The following CDKN2B-AS1 variants were observed in gnomAD, a reference collection of about 807,000 sequenced individuals.
CDKN2B-AS1 encodes the protein CDKN2B antisense RNA 1 (non-protein coding).
chr9:22,126,036 C>G (rs573464286), intron 4 of CDKN2B-AS1, among the ~76,000 whole-genome samples: 1 of 152,236 alleles, frequency 6.6e-6, no homozygotes, highest in Non-Finnish European at 1.5e-5. Flanking sequence ...CAGCTTCCTG[C>G]GCAGTCAAGA....
At chr9:22,040,561 G>T (rs1822857357) in intron 1 of CDKN2B-AS1, among the ~76,000 whole-genome samples, 1 of 151,936 alleles carries the variant, frequency 6.6e-6, no homozygotes, top group South Asian at 2.1e-4. Flanking sequence ...GCTGTGCAAG[G>T]TACAGTAGAG....
intron 4 of CDKN2B-AS1, among the ~76,000 whole-genome samples, chr9:22,074,982 A>T (rs982060857): frequency 6.6e-6 from 1 of 152,240 alleles, no homozygotes; most frequent in Admixed American, 6.5e-5. Flanking sequence ...GTACATAGAC[A>T]AATGTTTTTA....
At chr9:22,104,105 A>G (rs78418858) in intron 4 of CDKN2B-AS1, among the ~76,000 whole-genome samples, 30 of 152,366 alleles carry the variant, frequency 2.0e-4, no homozygotes, top group Admixed American at 1.8e-3. Flanking sequence ...GGAAATATAC[A>G]TGAGGCAGAA....
At chr9:22,017,059 T>C (rs1821796452) in intron 1 of CDKN2B-AS1, among the ~76,000 whole-genome samples, 2 of 152,242 alleles carry the variant, frequency 1.3e-5, no homozygotes, top group South Asian at 4.1e-4. Flanking sequence ...CTTATATACT[T>C]CCAGTCCTAT....
chr9:22,014,943 T>A (rs1428482886), intron 1 of CDKN2B-AS1, among the ~76,000 whole-genome samples: 1 of 152,088 alleles, frequency 6.6e-6, no homozygotes, highest in Non-Finnish European at 1.5e-5. Flanking sequence ...CATGAACTCA[T>A]CATTTTTATG....
Position 22,052,073 on chromosome 9 carries a change from T to C in CDKN2B-AS1, n.302+2845T>C, listed in dbSNP as rs1823370597. On this transcript the variant is annotated intron_variant and non_coding_transcript_variant, in intron 3 of 4. Transcript: ENST00000650946. The stretch of plus-strand genomic sequence containing the variant: ...CCAGATTAAAGGAAACTCCACATTC[T>C]CATTTCTGACTTCCCTACAACCTTG... Among the ~76,000 whole-genome samples the C allele has an allele frequency of 2.0e-5, 3 of 152,276 alleles. No individual in the cohort carries two copies. The South Asian group carries it at 6.2e-4, about 32-fold the overall frequency.
chr9:22,054,073 G>A (rs1361445018), intron 3 of CDKN2B-AS1, among the ~76,000 whole-genome samples: 1 of 152,154 alleles, frequency 6.6e-6, no homozygotes, highest in East Asian at 1.9e-4. Flanking sequence ...ACCTTAGCTA[G>A]CATTTCTTGT....
intron 4 of CDKN2B-AS1, chr9:22,121,244 A>G (rs1413444681): frequency 1.3e-5 from 2 of 152,148 alleles, no homozygotes; most frequent in African/African-American, 4.8e-5. Flanking sequence ...ACTTGGAGAT[A>G]GATTAGATTG....
intron 4 of CDKN2B-AS1, among the ~76,000 whole-genome samples, chr9:22,074,009 G>A (rs1824398267): frequency 6.6e-6 from 1 of 151,876 alleles, no homozygotes; most frequent in South Asian, 2.1e-4. Flanking sequence ...GACTACAGGT[G>A]TGTGCCACCA....
chr9:22,008,759 G>T (rs1401075028), intron 1 of CDKN2B-AS1: 4 of 1,609,924 alleles, frequency 2.5e-6, no homozygotes, highest in Non-Finnish European at 3.4e-6. Context: ...CCCCGCGTTC[G>T]CGCGCCCCCT....
At chr9:22,009,772 G>T (rs1222004623) in intron 1 of CDKN2B-AS1, among the ~76,000 whole-genome samples, 1 of 152,070 alleles carries the variant, frequency 6.6e-6, no homozygotes, top group Non-Finnish European at 1.5e-5. Flanking sequence ...GCAGTACTTG[G>T]GCTTCACAAG....
intron 4 of CDKN2B-AS1, among the ~76,000 whole-genome samples, chr9:22,086,931 T>A (rs1349211568): frequency 3.3e-5 from 5 of 152,220 alleles, no homozygotes; most frequent in African/African-American, 1.2e-4. Context: ...CCTCCAGAAT[T>A]GTTACAACCT....
chr9:22,014,625 A>G (rs1401995345), intron 1 of CDKN2B-AS1, among the ~76,000 whole-genome samples: 1 of 152,058 alleles, frequency 6.6e-6, no homozygotes, highest in Admixed American at 6.5e-5. Flanking sequence ...TATTATTATT[A>G]TACTTTAAGT....
At chr9:22,061,406 G>T (rs910981970) in intron 4 of CDKN2B-AS1, among the ~76,000 whole-genome samples, 1 of 152,188 alleles carries the variant, frequency 6.6e-6, no homozygotes, top group African/African-American at 2.4e-5. Context: ...AGAACGAATT[G>T]TGTGTTTATA....
chr9:22,087,598 A>G (rs1431080250), intron 4 of CDKN2B-AS1, among the ~76,000 whole-genome samples: 1 of 152,254 alleles, frequency 6.6e-6, no homozygotes, highest in Non-Finnish European at 1.5e-5. Context: ...TGTCCTAAAT[A>G]AATTGAATAG....
intron 4 of CDKN2B-AS1, among the ~76,000 whole-genome samples, chr9:22,080,026 A>G (rs1587503619): frequency 6.6e-6 from 1 of 152,260 alleles, no homozygotes; most frequent in East Asian, 1.9e-4. Flanking sequence ...GGAGGTGAGA[A>G]AAACCAGGTG....
intron 3 of CDKN2B-AS1, among the ~76,000 whole-genome samples, chr9:22,051,646 T>C (rs565465762): frequency 9.9e-5 from 15 of 152,284 alleles, no homozygotes; most frequent in Non-Finnish European, 1.3e-4. Context: ...GGAGAGTAGG[T>C]ATTCATATAG....
chr9:22,027,927 T>C (rs1407073606), intron 1 of CDKN2B-AS1, among the ~76,000 whole-genome samples: 2 of 152,210 alleles, frequency 1.3e-5, no homozygotes, highest in African/African-American at 2.4e-5. Context: ...GGCTATGTTT[T>C]ATTGAATATG....
chr9:22,052,908 A>G (rs1823413966), intron 3 of CDKN2B-AS1, among the ~76,000 whole-genome samples: 1 of 152,194 alleles, frequency 6.6e-6, no homozygotes, highest in Non-Finnish European at 1.5e-5. Flanking sequence ...CTTTATTTTG[A>G]TGATTCCACA....
Sources: gnomAD v4.1 joint callset for allele counts (sites outside exome capture counted in the v4.1 genomes callset) on GRCh38, gnomAD v4.1.1 for gene constraint, MANE v1.5 for transcripts, NCBI Gene and HGNC (gene_info 2026-07-23, HGNC 2026-07-21) for gene names.